RAB3GAP1: variants seen among roughly 807,000 people sequenced by gnomAD.
The protein encoded by RAB3GAP1 is RAB3 GTPase activating protein catalytic subunit 1.
Under a neutral mutation model 130.7 loss-of-function variants are expected in RAB3GAP1, and 86 were observed. The observed-to-expected ratio is 0.66, with a 90% CI of 0.55 to 0.79. The LOEUF is 0.79. Among genes scored for constraint, RAB3GAP1 ranks in the 30% least tolerant of loss-of-function variants. The probability of loss-of-function intolerance (pLI) is 0.00; values close to 1 mark genes in which losing one functional copy is unlikely to be tolerated. For missense variants in RAB3GAP1, 1,029 were observed against 1,169.4 expected (o/e 0.88, Z 1.75); for synonymous variants, 367 against 401.7 (o/e 0.91, Z 1.03).
chr2:135,101,797 TTTTA>T (rs1690456577), intron 5 of RAB3GAP1, among the ~76,000 whole-genome samples: 2 of 152,192 alleles, frequency 1.3e-5, no homozygotes, highest in Middle Eastern at 3.2e-3. Flanking sequence ...ACTTTTCTTT[TTTTA>T]TTTTCTTTAA....
intron 7 of RAB3GAP1, among the ~76,000 whole-genome samples, chr2:135,117,462 G>GCTT (rs1284949739): frequency 1.5e-3 from 64 of 41,838 alleles, no homozygotes; most frequent in African/African-American, 2.8e-3. Flanking sequence ...TTCTGCTTCT[G>GCTT]CTTCTGCTTC....
At chr2:135,159,526 C>T (rs1220116399) in intron 19 of RAB3GAP1, among the ~76,000 whole-genome samples, 1 of 152,148 alleles carries the variant, frequency 6.6e-6, no homozygotes, top group Non-Finnish European at 1.5e-5. Context: ...TTGACCAGAA[C>T]TCAAAACTGT....
chr2:135,092,774 T>C (rs564693273), intron 4 of RAB3GAP1, among the ~76,000 whole-genome samples: 1 of 152,192 alleles, frequency 6.6e-6, no homozygotes, highest in African/African-American at 2.4e-5. Flanking sequence ...AAGGCATTGT[T>C]GCAAGTGTAC....
intron 23 of RAB3GAP1, among the ~76,000 whole-genome samples, chr2:135,166,125 T>A (rs1692641471): frequency 6.7e-6 from 1 of 150,262 alleles, no homozygotes; most frequent in African/African-American, 2.5e-5. Flanking sequence ...TGAGCTGAGA[T>A]CATGCCACTG....
At chr2:135,086,195 T>G (rs887492070) in intron 3 of RAB3GAP1, among the ~76,000 whole-genome samples, 7 of 152,226 alleles carry the variant, frequency 4.6e-5, no homozygotes, top group Admixed American at 3.3e-4. Flanking sequence ...CTCTAGAGAA[T>G]TCTGTAGATA....
chr2:135,056,633 A>G (rs1689020494), intron 2 of RAB3GAP1, among the ~76,000 whole-genome samples: 2 of 152,196 alleles, frequency 1.3e-5, no homozygotes, highest in African/African-American at 4.8e-5. Context: ...TCGTAAATAT[A>G]GTATACATTT....
At position 135,130,192 on chromosome 2, in the gene RAB3GAP1, G is replaced by T. The variant is rs1160954582; in HGVS notation, c.1066+105G>T. The stretch of plus-strand genomic sequence containing the variant: ...TGTTTTCTCATTTTGAATTAAGTTG[G>T]ATAATCAAGTTTTGATGGACTAGAC... On this transcript the variant is annotated intron_variant, in intron 12 of 23. Coordinates refer to ENST00000264158, the MANE Select transcript of RAB3GAP1 (RefSeq NM_012233.3). The T allele has an allele frequency of 9.1e-6, 9 of 990,078 alleles. No individual in the cohort carries two copies. In the East Asian group the frequency reaches 2.3e-4, roughly 25 times the overall value. 61.3% of individuals were successfully genotyped at this position (990,078 alleles called of 1,614,324 possible). A position where few individuals can be genotyped will look rare whatever the true frequency, so the allele number is the denominator to read the frequency against.
At chr2:135,163,431 T>C (rs1270078008) in intron 22 of RAB3GAP1, among the ~76,000 whole-genome samples, 1 of 152,200 alleles carries the variant, frequency 6.6e-6, no homozygotes, top group Non-Finnish European at 1.5e-5. Flanking sequence ...CCCCAAAACT[T>C]TGTTTTCAGC....
chr2:135,122,132 C>T (rs1375339720), intron 8 of RAB3GAP1, among the ~76,000 whole-genome samples: 1 of 151,954 alleles, frequency 6.6e-6, no homozygotes, highest in Non-Finnish European at 1.5e-5. Context: ...ATATCCTTAG[C>T]TTTTGGCAGT....
rs1386544638 is a variant in RAB3GAP1 at position 135,153,629 on chromosome 2, A to AT, written c.2062-13dup. On this transcript the variant is annotated intron_variant, in intron 18 of 23. Coordinates refer to ENST00000264158, the MANE Select transcript of RAB3GAP1 (RefSeq NM_012233.3). ...GTTGATTTTCATTTGATTCTGCTGA[A>AT]TTTTTTTGTCTTATTTTAGGCAGCT... 2.5e-6 allele frequency: 4 copies of AT among 1,609,702 alleles called. No individual in the cohort carries two copies. The South Asian group carries it at 3.3e-5, about 13-fold the overall frequency.
At chr2:135,068,136 A>G (rs1276269579) in intron 3 of RAB3GAP1, among the ~76,000 whole-genome samples, 1 of 152,130 alleles carries the variant, frequency 6.6e-6, no homozygotes, top group African/African-American at 2.4e-5. Context: ...TGCAATAAAA[A>G]CGATTGTTTC....
chr2:135,055,498 C>T (rs545929201), intron 2 of RAB3GAP1, among the ~76,000 whole-genome samples: 22 of 152,000 alleles, frequency 1.4e-4, no homozygotes, highest in African/African-American at 4.8e-4. Flanking sequence ...GGCAGCATGG[C>T]GAAACCTTGT....
intron 17 of RAB3GAP1, 109 bp downstream of exon 17, chr2:135,136,041 T>C (rs1271488457): frequency 2.1e-6 from 3 of 1,447,026 alleles, no homozygotes; most frequent in African/African-American, 2.8e-5. Flanking sequence ...AAGTCTATGT[T>C]TAGGCCAGAT....
chr2:135,118,819 T>TC (rs1196863712), intron 7 of RAB3GAP1, among the ~76,000 whole-genome samples: 2 of 152,028 alleles, frequency 1.3e-5, no homozygotes, highest in African/African-American at 4.8e-5. Context: ...GAGGGTTTTT[T>TC]CCCCTCACAC....
chr2:135,120,724 A>G (rs1691171873), intron 7 of RAB3GAP1, 95 bp from the exon 8 acceptor site: 1 of 886,452 alleles, frequency 1.1e-6, no homozygotes, highest in Non-Finnish European at 1.9e-6. Context: ...TAAAGGTAGT[A>G]TTAATCCATT....
rs1230459154 is a variant in RAB3GAP1, at chr2:135,168,748, A to G, written c.2913A>G (p.Ala971=). 6.2e-7 allele frequency: 1 copy of G among 1,613,996 alleles called. No individual in the cohort carries two copies. The highest frequency in any genetic ancestry group is 1.7e-5 in the Admixed American group (1 of 59,994). The change falls in exon 24 of 24, where the codon GCA becomes GCG. Residue 971 remains alanine (A), a synonymous_variant. Coordinates refer to ENST00000264158, the MANE Select transcript of RAB3GAP1 (RefSeq NM_012233.3). ...TCACCAAAGAGGACTTTAGACTTGC[A>G]GGTGCCTTTTCATCAGATACTTCCT... ...SVLTKEDFRL[A]GAFSSDTSFF
chr2:135,065,385 T>C (rs1049387390), intron 3 of RAB3GAP1, among the ~76,000 whole-genome samples: 2 of 152,196 alleles, frequency 1.3e-5, no homozygotes, highest in African/African-American at 4.8e-5. Flanking sequence ...TTTCTTCATA[T>C]ACTTCAACTA....
At chr2:135,161,457 CA>C in intron 19 of RAB3GAP1, among the ~76,000 whole-genome samples, 1 of 151,642 alleles carries the variant, frequency 6.6e-6, no homozygotes, top group South Asian at 2.1e-4. Flanking sequence ...TAAAACTAGA[CA>C]AAAGTAAACA....
In RAB3GAP1 at chr2:135,130,735, C is replaced by T. The variant is rs1358741452; in HGVS notation, c.1236+14C>T. 6.2e-7 allele frequency: 1 copy of T among 1,602,100 alleles called. No homozygotes were observed. The highest frequency in any genetic ancestry group is 8.6e-7 in the Non-Finnish European group (1 of 1,169,410). On this transcript the variant is annotated intron_variant, in intron 13 of 23. Coordinates refer to ENST00000264158, the MANE Select transcript of RAB3GAP1 (RefSeq NM_012233.3). The stretch of plus-strand genomic sequence containing the variant: ...ACTATTCTCCTGGTAACTAAATGTT[C>T]TGTCTTTATAGGTCTATATGCAGAA...
Sources: gnomAD v4.1 joint callset for allele counts (sites outside exome capture counted in the v4.1 genomes callset) on GRCh38, gnomAD v4.1.1 for gene constraint, MANE v1.5 for transcripts, NCBI Gene and HGNC (gene_info 2026-07-23, HGNC 2026-07-21) for gene names.